The following TNFRSF8 variants were observed in gnomAD, a reference collection of about 807,000 sequenced individuals.
TNFRSF8 encodes the protein tumor necrosis factor receptor superfamily member 8.
A neutral mutation model predicts 70.8 loss-of-function variants in TNFRSF8; 26 were observed. That is an observed-to-expected ratio of 0.37 (90% CI 0.27 to 0.51). The LOEUF (loss-of-function observed/expected upper bound fraction) is 0.51. Ranked by LOEUF, TNFRSF8 falls within the 20% of genes least tolerant of loss-of-function variation. The probability of loss-of-function intolerance (pLI) is 0.94; values close to 1 mark genes in which losing one functional copy is unlikely to be tolerated. For missense variants in TNFRSF8, 720 were observed against 807.9 expected (o/e 0.89, Z 1.32); for synonymous variants, 356 against 339.2 (o/e 1.05, Z -0.54).
intron 14 of TNFRSF8, among the ~76,000 whole-genome samples, chr1:12,140,121 G>A (rs987854711): frequency 6.6e-6 from 1 of 152,240 alleles, no homozygotes; most frequent in African/African-American, 2.4e-5. Context: ...GGTTCAGAGG[G>A]TGTTTGATGG....
intron 3 of TNFRSF8, among the ~76,000 whole-genome samples, chr1:12,098,985 A>T (rs1160019015): frequency 6.6e-6 from 1 of 152,074 alleles, no homozygotes; most frequent in East Asian, 1.9e-4. Flanking sequence ...ATTATTCATG[A>T]TGAGTTTATT....
Position 12,141,543 on chromosome 1 carries a change from C to T in TNFRSF8, c.1544-744C>T, listed in dbSNP as rs953143393. 3.9e-5 allele frequency among the ~76,000 whole-genome samples: 6 copies of T among 152,268 alleles called. No individual in the cohort carries two copies. Among genetic ancestry groups the T allele is most frequent in the South Asian group, 2.1e-4 (1 of 4,838 alleles). Reference sequence around the variant, plus strand: ...TGTGAGCAGTAAGCCCCGAAATTCACGGCCTGAGCCAGGCTGTCTCAATCA... The same window carrying T: ...TGTGAGCAGTAAGCCCCGAAATTCATGGCCTGAGCCAGGCTGTCTCAATCA... On this transcript the variant is annotated intron_variant, in intron 14 of 14. Coordinates refer to ENST00000263932, the MANE Select transcript of TNFRSF8 (RefSeq NM_001243.5). The surrounding 1 kb of genome is among the most constrained non-coding windows in gnomAD (Gnocchi z 5.4).
chr1:12,108,074 A>ACTTTT lies in TNFRSF8; in HGVS notation c.422-1492_422-1491insCTTTT, dbSNP rs1553156303. 1.4e-4 allele frequency among the ~76,000 whole-genome samples: 20 copies of ACTTTT among 146,118 alleles called. No individual in the cohort carries two copies. The highest frequency in any genetic ancestry group is 4.8e-4 in the African/African-American group (19 of 39,668). ...CGAAGTCCCACACATACAGGCCACC[A>ACTTTT]TTTTTTTATTTTTTTTTTTTTTGTG... On this transcript the variant is annotated intron_variant, in intron 4 of 14. Transcript: ENST00000263932. This position sits in a 1 kb window ranked among gnomAD's most constrained non-coding sequence, Gnocchi z 4.0.
chr1:12,090,340 A>G (rs532405952), intron 2 of TNFRSF8, among the ~76,000 whole-genome samples: 8 of 145,456 alleles, frequency 5.5e-5, no homozygotes, highest in Non-Finnish European at 1.2e-4. Flanking sequence ...CCATCCATCC[A>G]TCCACCCATC....
intron 1 of TNFRSF8, among the ~76,000 whole-genome samples, chr1:12,078,715 G>C (rs1353645160): frequency 6.6e-6 from 1 of 152,230 alleles, no homozygotes. Flanking sequence ...GACCAGCTGT[G>C]TGACTTTGGG....
At chr1:12,104,174 A>G (rs1021822280) in intron 3 of TNFRSF8, among the ~76,000 whole-genome samples, 1 of 151,942 alleles carries the variant, frequency 6.6e-6, no homozygotes, top group African/African-American at 2.4e-5. Flanking sequence ...AGTTTCCTCC[A>G]TGTCTTTTTT....
chr1:12,068,957 C>T lies in TNFRSF8; in HGVS notation c.63+5296C>T, dbSNP rs551827941. Among the ~76,000 whole-genome samples, 19 of 151,808 alleles carry T rather than the reference C, an allele frequency of 1.3e-4. No homozygotes were observed. The South Asian group carries it at 3.5e-3, about 28-fold the overall frequency. ...TGCGATCTCGGCTCACTGCAACCTC[C>T]GCCTCCCGGGTTCAAGCAATTCTCC... On this transcript the variant is annotated intron_variant, in intron 1 of 14. Transcript: ENST00000263932.
intron 3 of TNFRSF8, among the ~76,000 whole-genome samples, chr1:12,097,901 G>A (rs1488441718): frequency 6.6e-6 from 1 of 152,086 alleles, no homozygotes; most frequent in Non-Finnish European, 1.5e-5. Flanking sequence ...ATTAAGTTAA[G>A]CTTGTTAATT....
At position 12,138,589 on chromosome 1, in the gene TNFRSF8, G is replaced by A. The variant is rs1039748339; in HGVS notation, c.1543+153G>A. Among the ~76,000 whole-genome samples, 1 of 152,206 alleles carries A rather than the reference G, an allele frequency of 6.6e-6. No individual in the cohort carries two copies. The highest frequency in any genetic ancestry group is 1.5e-5 in the Non-Finnish European group (1 of 68,026). On this transcript the variant is annotated intron_variant, in intron 14 of 14. Coordinates refer to ENST00000263932, the MANE Select transcript of TNFRSF8 (RefSeq NM_001243.5). This position sits in a 1 kb window ranked among gnomAD's most constrained non-coding sequence, Gnocchi z 5.7. ...ATTCTTCACCCCAATTGAAGTTTCT[G>A]TAAGTAGGGACAGCGAGGGTACTTA...
At chr1:12,134,792 C>A (rs961241741) in intron 12 of TNFRSF8, among the ~76,000 whole-genome samples, 1 of 152,210 alleles carries the variant, frequency 6.6e-6, no homozygotes, top group Non-Finnish European at 1.5e-5. Context: ...GTCTCCATGA[C>A]CTGCCTTGAG....
Position 12,108,074 on chromosome 1 carries a change from A to ATTTTTTTTTTT in TNFRSF8, c.422-1485_422-1484insTTTTTTTTTTT, listed in dbSNP as rs199941905. On this transcript the variant is annotated intron_variant, in intron 4 of 14. Transcript: ENST00000263932. The surrounding 1 kb of genome is among the most constrained non-coding windows in gnomAD (Gnocchi z 4.0). Reference sequence around the variant, plus strand: ...CGAAGTCCCACACATACAGGCCACCATTTTTTTATTTTTTTTTTTTTTGTG... The same window carrying ATTTTTTTTTTT: ...CGAAGTCCCACACATACAGGCCACCATTTTTTTTTTTTTTTTTTATTTTTTTTTTTTTTGTG... Among the ~76,000 whole-genome samples the ATTTTTTTTTTT allele has an allele frequency of 1.1e-3, 155 of 146,172 alleles. 1 individual carries two copies. The highest frequency in any genetic ancestry group is 1.6e-3 in the East Asian group (8 of 4,954).
chr1:12,094,675 G>T (rs964067799), intron 2 of TNFRSF8, among the ~76,000 whole-genome samples: 1 of 149,446 alleles, frequency 6.7e-6, no homozygotes, highest in Non-Finnish European at 1.5e-5. Context: ...GCCCAGGCTG[G>T]AGTGCAGTGA....
intron 1 of TNFRSF8, among the ~76,000 whole-genome samples, chr1:12,069,134 G>A (rs1640792730): frequency 7.2e-6 from 1 of 138,892 alleles, no homozygotes; most frequent in African/African-American, 2.7e-5. Flanking sequence ...GCCTTTCAAA[G>A]TGCTGGGATT....
chr1:12,105,940 A>AAAC (rs1553156081), intron 4 of TNFRSF8, among the ~76,000 whole-genome samples: 1 of 111,148 alleles, frequency 9.0e-6, no homozygotes, highest in Non-Finnish European at 1.9e-5. Context: ...ACTCCGTCTC[A>AAAC]AAAAAAAAAA....
Position 12,112,021 on chromosome 1 carries a change from G to C in TNFRSF8, c.793+7G>C, listed in dbSNP as rs377429022. On this transcript the variant is annotated splice_region_variant and intron_variant, in intron 7 of 14. Transcript: ENST00000263932. This position sits in a 1 kb window ranked among gnomAD's most constrained non-coding sequence, Gnocchi z 5.3. The stretch of plus-strand genomic sequence containing the variant: ...TGCGTGAGCTGTTCTCGAGGTAAGG[G>C]CCTCGTCCCTCCCCGGGCCTCAGTT... The C allele has an allele frequency of 5.6e-6, 9 of 1,606,108 alleles. No homozygotes were observed. The African/African-American group carries it at 9.4e-5, about 17-fold the overall frequency.
intron 8 of TNFRSF8, among the ~76,000 whole-genome samples, chr1:12,122,373 A>G (rs527287261): frequency 1.3e-5 from 2 of 151,390 alleles, no homozygotes; most frequent in South Asian, 2.1e-4. Flanking sequence ...TAGGCTGGGC[A>G]TGGTGGCTCA....
chr1:12,079,356 G>T (rs1385641796), intron 1 of TNFRSF8, among the ~76,000 whole-genome samples: 1 of 152,138 alleles, frequency 6.6e-6, no homozygotes, highest in Non-Finnish European at 1.5e-5. Flanking sequence ...AACCTGCGGG[G>T]AACTCCACCC....
At position 12,141,918 on chromosome 1, in the gene TNFRSF8, G is replaced by A. The variant is rs969455081; in HGVS notation, c.1544-369G>A. 2.0e-5 allele frequency among the ~76,000 whole-genome samples: 3 copies of A among 152,158 alleles called. No homozygotes were observed. Among genetic ancestry groups the A allele is most frequent in the African/African-American group, 7.2e-5 (3 of 41,444 alleles). ...AGGAGGGCTGGGGACCCAGGAGTGG[G>A]GGTGTGGAAACTGCTCAGCTCTGCT... On this transcript the variant is annotated intron_variant, in intron 14 of 14. Coordinates refer to ENST00000263932, the MANE Select transcript of TNFRSF8 (RefSeq NM_001243.5). The surrounding 1 kb of genome is among the most constrained non-coding windows in gnomAD (Gnocchi z 5.4).
Position 12,138,990 on chromosome 1 carries a change from G to A in TNFRSF8, c.1543+554G>A, listed in dbSNP as rs1208231020. Among the ~76,000 whole-genome samples the A allele has an allele frequency of 2.6e-5, 4 of 152,216 alleles. No individual in the cohort carries two copies. The highest frequency in any genetic ancestry group is 1.9e-4 in the East Asian group (1 of 5,196). ...TTGTCCACGTTACCACCCACCCTCT[G>A]CAGAAGCAGGAGGACAGATGGGGCC... On this transcript the variant is annotated intron_variant, in intron 14 of 14. Transcript: ENST00000263932. The surrounding 1 kb of genome is among the most constrained non-coding windows in gnomAD (Gnocchi z 5.7).
Sources: gnomAD v4.1 joint callset for allele counts (sites outside exome capture counted in the v4.1 genomes callset) on GRCh38, gnomAD v4.1.1 for gene constraint, Gnocchi (gnomAD v3.1) non-coding constraint, MANE v1.5 for transcripts, NCBI Gene and HGNC (gene_info 2026-07-23, HGNC 2026-07-21) for gene names.